The following GRM5 variants were observed in gnomAD, a reference collection of about 807,000 sequenced individuals.
GRM5 encodes the protein metabotropic glutamate receptor 5.
A neutral mutation model predicts 83.1 loss-of-function variants in GRM5; 19 were observed. The observed-to-expected ratio is 0.23, with a 90% CI of 0.16 to 0.34. GRM5 has a LOEUF of 0.34. Among genes scored for constraint, GRM5 ranks in the 10% least tolerant of loss-of-function variants. GRM5 has a pLI of 1.00. For synonymous variants in GRM5, 675 were observed against 633.6 expected (o/e 1.07, Z -0.98); for missense variants, 1,160 against 1,588.3 (o/e 0.73, Z 4.58).
At chr11:89,011,807 A>C (rs1021648851) in intron 2 of GRM5, among the ~76,000 whole-genome samples, 3 of 152,212 alleles carry the variant, frequency 2.0e-5, no homozygotes, top group African/African-American at 4.8e-5. Flanking sequence ...GATTGCTATT[A>C]TATAGATGCA....
At chr11:88,563,262 T>A (rs1942797833) in intron 8 of GRM5, among the ~76,000 whole-genome samples, 1 of 152,190 alleles carries the variant, frequency 6.6e-6, no homozygotes, top group African/African-American at 2.4e-5. Flanking sequence ...AATTCATAGC[T>A]GAATTGAAAT....
intron 3 of GRM5, among the ~76,000 whole-genome samples, chr11:88,825,624 G>T (rs1943882884): frequency 6.6e-6 from 1 of 152,156 alleles, no homozygotes; most frequent in African/African-American, 2.4e-5. Flanking sequence ...ACTAATGCTA[G>T]AGAGCTGCTT....
intron 2 of GRM5, among the ~76,000 whole-genome samples, chr11:88,980,822 CA>C (rs945243001): frequency 5.3e-4 from 80 of 150,772 alleles, no homozygotes; most frequent in Admixed American, 2.5e-3. Context: ...GACTCTGTCT[CA>C]AAAAAAATAA....
At chr11:89,013,273 C>T (rs1251083337) in intron 2 of GRM5, among the ~76,000 whole-genome samples, 4 of 152,190 alleles carry the variant, frequency 2.6e-5, no homozygotes, top group Admixed American at 6.5e-5. Context: ...TTTAGGCTTT[C>T]CTTGCTCATG....
intron 3 of GRM5, among the ~76,000 whole-genome samples, chr11:88,767,342 T>G (rs1942643317): frequency 1.3e-5 from 2 of 151,928 alleles, no homozygotes; most frequent in Admixed American, 1.3e-4. Flanking sequence ...CTCAAAAGAA[T>G]GTAAATTTTC....
chr11:88,602,667 G>A (rs999678398), intron 5 of GRM5, among the ~76,000 whole-genome samples: 4 of 152,140 alleles, frequency 2.6e-5, no homozygotes, highest in African/African-American at 9.7e-5. Context: ...TTGTCAGGCT[G>A]TTGTATAATG....
chr11:88,923,761 C>G (rs1353831157), intron 2 of GRM5, among the ~76,000 whole-genome samples: 2 of 151,514 alleles, frequency 1.3e-5, no homozygotes, highest in Non-Finnish European at 2.9e-5. Context: ...CTCATTTACT[C>G]TGATTTGATT....
At chr11:88,681,916 GA>G (rs1940505380) in intron 3 of GRM5, among the ~76,000 whole-genome samples, 1 of 151,740 alleles carries the variant, frequency 6.6e-6, no homozygotes, top group Non-Finnish European at 1.5e-5. Context: ...TGTGAAAGTG[GA>G]AAACCATTTT....
At chr11:89,050,328 A>C (rs552617312) in intron 1 of GRM5, among the ~76,000 whole-genome samples, 2 of 152,304 alleles carry the variant, frequency 1.3e-5, no homozygotes, top group South Asian at 2.1e-4. Context: ...TCTATTCATT[A>C]ACTCACTTAA....
At chr11:88,855,045 A>G (rs1489189880) in intron 2 of GRM5, among the ~76,000 whole-genome samples, 3 of 151,918 alleles carry the variant, frequency 2.0e-5, no homozygotes, top group East Asian at 3.8e-4. Context: ...CAAAATAGCC[A>G]TTAAATATAT....
chr11:88,714,639 T>C (rs923110948), intron 3 of GRM5, among the ~76,000 whole-genome samples: 11 of 151,930 alleles, frequency 7.2e-5, no homozygotes, highest in Admixed American at 3.3e-4. Context: ...CCTCTGCTGC[T>C]TGCAAGTGCA....
intron 3 of GRM5, among the ~76,000 whole-genome samples, chr11:88,795,799 G>A (rs920283651): frequency 1.3e-5 from 2 of 152,142 alleles, no homozygotes; most frequent in Non-Finnish European, 2.9e-5. Context: ...TATTGCTAAT[G>A]TGGGTATCAT....
At chr11:88,883,061 T>C (rs1944986920) in intron 2 of GRM5, among the ~76,000 whole-genome samples, 1 of 152,172 alleles carries the variant, frequency 6.6e-6, no homozygotes, top group Non-Finnish European at 1.5e-5. Context: ...TTAAACCTCT[T>C]TCCTTTATAG....
intron 3 of GRM5, among the ~76,000 whole-genome samples, chr11:88,798,804 C>G (rs1365477171): frequency 1.4e-4 from 2 of 14,078 alleles, no homozygotes; most frequent in Non-Finnish European, 2.5e-4. Flanking sequence ...AATGAAAACA[C>G]CAAAAAAAAA....
intron 3 of GRM5, among the ~76,000 whole-genome samples, chr11:88,712,411 G>A (rs1278081104): frequency 1.3e-5 from 2 of 151,972 alleles, no homozygotes; most frequent in African/African-American, 2.4e-5. Context: ...GAGAAATGAT[G>A]TCTTATTTAA....
At chr11:89,051,785 T>C (rs1705374239) in intron 1 of GRM5, among the ~76,000 whole-genome samples, 1 of 152,208 alleles carries the variant, frequency 6.6e-6, no homozygotes, top group Admixed American at 6.5e-5. Context: ...CTGGAACAAT[T>C]CAATCTTAGA....
At chr11:88,702,831 A>G (rs941719038) in intron 3 of GRM5, among the ~76,000 whole-genome samples, 4 of 152,116 alleles carry the variant, frequency 2.6e-5, no homozygotes, top group African/African-American at 9.7e-5. Context: ...AGGGACAGCC[A>G]CATGAGTAGG....
chr11:88,914,278 A>G (rs589774), intron 2 of GRM5, among the ~76,000 whole-genome samples: 1 of 152,110 alleles, frequency 6.6e-6, no homozygotes, highest in Non-Finnish European at 1.5e-5. Context: ...TCCAGAATAT[A>G]ATTAATTCAA....
At chr11:88,898,850 T>C in intron 2 of GRM5, among the ~76,000 whole-genome samples, 1 of 152,022 alleles carries the variant, frequency 6.6e-6, no homozygotes, top group East Asian at 1.9e-4. Context: ...TTTAGATTGA[T>C]ACCTAACTTT....
Sources: allele counts gnomAD v4.1 joint callset (sites outside exome capture counted in the v4.1 genomes callset), GRCh38; gene constraint gnomAD v4.1.1; transcripts MANE v1.5; gene names NCBI Gene and HGNC (gene_info 2026-07-23, HGNC 2026-07-21).